The following CTNNA2 variants were observed in gnomAD, a reference collection of about 807,000 sequenced individuals.
The protein encoded by CTNNA2 is catenin alpha 2, also known as catenin alpha-2.
In CTNNA2, 42 loss-of-function variants were observed where a neutral mutation model predicts 101.0. The ratio of observed to expected loss-of-function variants is 0.42; its 90% CI spans 0.32 to 0.54. The LOEUF (loss-of-function observed/expected upper bound fraction) is 0.54. CTNNA2 is among the 20% of genes least tolerant of loss of function. The pLI is 0.14. For missense variants in CTNNA2, 871 were observed against 1,223.1 expected, an observed-to-expected ratio of 0.71 and a Z score of 4.29; for synonymous variants, 450 against 456.4, an observed-to-expected ratio of 0.99 and a Z score of 0.18.
At chr2:80,054,885 A>G (rs1245282720) in intron 7 of CTNNA2, among the ~76,000 whole-genome samples, 1 of 152,128 alleles carries the variant, frequency 6.6e-6, no homozygotes, top group Non-Finnish European at 1.5e-5. Flanking sequence ...GAAATATCTT[A>G]GTTTTTAGTT....
chr2:79,484,811 A>G (rs752811485), intron 4 of CTNNA2, among the ~76,000 whole-genome samples: 12 of 152,108 alleles, frequency 7.9e-5, no homozygotes, highest in Non-Finnish European at 1.5e-4. Flanking sequence ...CTCCTCTTAC[A>G]TTACTCTTGC....
At chr2:79,701,398 TCTAA>T (rs955596893) in intron 2 of CTNNA2, among the ~76,000 whole-genome samples, 6 of 152,116 alleles carry the variant, frequency 3.9e-5, no homozygotes, top group Admixed American at 3.3e-4. Flanking sequence ...CAAAGGCTAG[TCTAA>T]CTTTCTTACC....
intron 18 of CTNNA2, among the ~76,000 whole-genome samples, chr2:80,640,091 T>A (rs996538820): frequency 2.0e-5 from 3 of 151,420 alleles, no homozygotes; most frequent in African/African-American, 7.3e-5. Context: ...GACAGCGAGA[T>A]AACATCTCAA....
At chr2:80,073,347 T>G (rs965441488) in intron 7 of CTNNA2, among the ~76,000 whole-genome samples, 1 of 152,086 alleles carries the variant, frequency 6.6e-6, no homozygotes, top group Admixed American at 6.5e-5. Context: ...GAGGTCCCAG[T>G]TCAGAAAGGA....
chr2:79,306,098 C>T (rs1003052545), intron 2 of CTNNA2, among the ~76,000 whole-genome samples: 2 of 150,550 alleles, frequency 1.3e-5, no homozygotes, highest in African/African-American at 4.9e-5. Context: ...TGGATTAAAC[C>T]CATAGGACAC....
chr2:79,277,483 AAGCATCCC>A (rs1675243455), intron 2 of CTNNA2, among the ~76,000 whole-genome samples: 1 of 152,024 alleles, frequency 6.6e-6, no homozygotes, highest in Admixed American at 6.6e-5. Context: ...AGTCAGCCTG[AAGCATCCC>A]AAAGCCTAAG....
At chr2:80,114,676 C>T (rs1294249097) in intron 7 of CTNNA2, among the ~76,000 whole-genome samples, 1 of 152,226 alleles carries the variant, frequency 6.6e-6, no homozygotes, top group Non-Finnish European at 1.5e-5. Flanking sequence ...CTACATTGCA[C>T]TGGGCTCCTA....
intron 2 of CTNNA2, among the ~76,000 whole-genome samples, chr2:79,294,211 A>G (rs907850302): frequency 3.1e-5 from 4 of 128,268 alleles, no homozygotes; most frequent in African/African-American, 6.8e-5. Context: ...GAGAAGAAGA[A>G]GAGGAAGAAG....
intron 15 of CTNNA2, among the ~76,000 whole-genome samples, chr2:80,596,506 G>A (rs216643): frequency 0.21 from 31,503 of 150,426 alleles, 4,443 homozygotes; most frequent in African/African-American, 0.41. Flanking sequence ...TAGAGACGGG[G>A]CTTCACCGTG....
intron 3 of CTNNA2, among the ~76,000 whole-genome samples, chr2:79,783,845 G>C (rs954592108): frequency 3.3e-5 from 5 of 152,204 alleles, no homozygotes; most frequent in African/African-American, 7.2e-5. Context: ...ACATTAAATT[G>C]CCTACAGTTG....
intron 2 of CTNNA2, among the ~76,000 whole-genome samples, chr2:79,667,579 G>T (rs1309069892): frequency 6.6e-6 from 1 of 152,126 alleles, no homozygotes; most frequent in African/African-American, 2.4e-5. Context: ...GGTAGGAATG[G>T]GTTAAGTCCA....
chr2:80,129,803 C>T (rs535433002), intron 7 of CTNNA2, among the ~76,000 whole-genome samples: 21 of 152,216 alleles, frequency 1.4e-4, no homozygotes, highest in South Asian at 6.2e-4. Context: ...GAACCTGGAT[C>T]GGCCTGGTCA....
chr2:80,626,875 C>G lies in CTNNA2; in HGVS notation c.2574+7647C>G, dbSNP rs116560355. Reference sequence around the variant, plus strand: ...GCTATCCCTCCCCGAGCCCCCTACCCCCTGACAGGCCCCAGTGTGTGATGT... The same window carrying G: ...GCTATCCCTCCCCGAGCCCCCTACCGCCTGACAGGCCCCAGTGTGTGATGT... On this transcript the variant is annotated intron_variant, in intron 18 of 18. Coordinates refer to ENST00000402739, the MANE Select transcript of CTNNA2 (RefSeq NM_001282597.3). Among the ~76,000 whole-genome samples, 1,374 of 152,042 alleles carry G rather than the reference C, an allele frequency of 9.0e-3. 11 individuals carry two copies. Among genetic ancestry groups the G allele is most frequent in the Non-Finnish European group, 0.015 (1,049 of 68,000 alleles).
chr2:79,715,384 C>A (rs762414931), intron 2 of CTNNA2, among the ~76,000 whole-genome samples: 1 of 151,794 alleles, frequency 6.6e-6, no homozygotes, highest in Non-Finnish European at 1.5e-5. Flanking sequence ...CTAGGACCAA[C>A]GAACAGAAAT....
chr2:80,599,666 G>C (rs1697295295), intron 15 of CTNNA2, among the ~76,000 whole-genome samples: 1 of 152,082 alleles, frequency 6.6e-6, no homozygotes, highest in South Asian at 2.1e-4. Context: ...GAAGGGTGTT[G>C]CATCATGCTC....
chr2:79,908,840 A>G (rs1375698636), intron 6 of CTNNA2, among the ~76,000 whole-genome samples: 1 of 152,166 alleles, frequency 6.6e-6, no homozygotes, highest in Non-Finnish European at 1.5e-5. Context: ...TTGGACGCAT[A>G]TTTCCATCTA....
intron 11 of CTNNA2, among the ~76,000 whole-genome samples, chr2:80,548,643 G>A (rs950317234): frequency 4.6e-5 from 7 of 152,158 alleles, no homozygotes; most frequent in Non-Finnish European, 5.9e-5. Context: ...CGCTGTCAGA[G>A]AGCCAGCTTG....
At chr2:79,797,200 C>G (rs549953267) in intron 3 of CTNNA2, among the ~76,000 whole-genome samples, 7 of 152,062 alleles carry the variant, frequency 4.6e-5, no homozygotes, top group African/African-American at 1.7e-4. Flanking sequence ...TGAGAAAGTA[C>G]CTATGTAGAC....
At chr2:80,041,616 T>A (rs1326887139) in intron 7 of CTNNA2, among the ~76,000 whole-genome samples, 2 of 152,156 alleles carry the variant, frequency 1.3e-5, no homozygotes, top group African/African-American at 4.8e-5. Context: ...AAAGAATAAT[T>A]GTGAAATATT....
Sources: gnomAD v4.1 joint callset for allele counts (sites outside exome capture counted in the v4.1 genomes callset) on GRCh38, gnomAD v4.1.1 for gene constraint, MANE v1.5 for transcripts, NCBI Gene and HGNC (gene_info 2026-07-23, HGNC 2026-07-21) for gene names.